The following OSBPL9 variants were observed in gnomAD, a reference collection of about 807,000 sequenced individuals.
The protein encoded by OSBPL9 is oxysterol-binding protein-related protein 9.
Under a neutral mutation model 106.6 loss-of-function variants are expected in OSBPL9, and 40 were observed. The observed-to-expected ratio is 0.38, with a 90% CI of 0.29 to 0.49. The LOEUF is 0.49. Among genes scored for constraint, OSBPL9 ranks in the 20% least tolerant of loss-of-function variants. The probability of loss-of-function intolerance (pLI) is 0.97; values close to 1 mark genes in which losing one functional copy is unlikely to be tolerated. For synonymous variants in OSBPL9, 269 were observed against 295.4 expected, an observed-to-expected ratio of 0.91 and a Z score of 0.92; for missense variants, 609 against 887.2, an observed-to-expected ratio of 0.69 and a Z score of 3.98.
At chr1:51,584,086 A>G (rs1645235254) in intron 1 of OSBPL9, among the ~76,000 whole-genome samples, 1 of 151,946 alleles carries the variant, frequency 6.6e-6, no homozygotes, top group Non-Finnish European at 1.5e-5. Context: ...GAACTCCTAG[A>G]CTTCAGTGAT....
In OSBPL9 at chr1:51,777,005, C is replaced by T. The variant is rs1305047855; in HGVS notation, c.1256+87C>T. ...TTTATTTTGCAGGATAGATGGATTC[C>T]TTGTCACCTTTCAAACATTTCTGGG... On this transcript the variant is annotated intron_variant, in intron 15 of 23. Coordinates refer to ENST00000428468, the MANE Select transcript of OSBPL9 (RefSeq NM_024586.6). The T allele has an allele frequency of 8.0e-6, 8 of 997,172 alleles. No homozygotes were observed. The African/African-American group carries it at 1.1e-4, about 14-fold the overall frequency. 61.8% of individuals were successfully genotyped at this position (997,172 alleles called of 1,614,324 possible).
intron 2 of OSBPL9, among the ~76,000 whole-genome samples, chr1:51,605,604 T>C (rs775121886): frequency 6.6e-6 from 1 of 152,206 alleles, no homozygotes; most frequent in Non-Finnish European, 1.5e-5. Flanking sequence ...AGGGAACTGG[T>C]ATCATATTTG....
Position 51,787,726 on chromosome 1 carries a change from A to G in OSBPL9, c.2148A>G (p.Glu716=), listed in dbSNP as rs1272732800. Residue 716 remains glutamate, a synonymous_variant, in exon 24 of 24, where the codon GAA becomes GAG. Transcript: ENST00000428468. ...EIQWETRLFH[E]DGECWVYDEP... Reference sequence around the variant, plus strand: ...TCTTTGTCTTACAGTTATTTCATGAAGATGGAGAATGCTGGGTTTATGATG... The same window carrying G: ...TCTTTGTCTTACAGTTATTTCATGAGGATGGAGAATGCTGGGTTTATGATG... 4.3e-6 allele frequency: 7 copies of G among 1,613,302 alleles called. No homozygotes were observed. In the African/African-American group the frequency reaches 8.0e-5, roughly 18 times the overall value.
chr1:51,541,651 G>A, the OSBPL9 span, among the ~76,000 whole-genome samples: 1 of 152,176 alleles, frequency 6.6e-6, no homozygotes, highest in African/African-American at 2.4e-5. Context: ...GGGTGGGGAT[G>A]GTCAGCATAG....
At chr1:51,523,943 A>T in the OSBPL9 span, among the ~76,000 whole-genome samples, 1 of 152,196 alleles carries the variant, frequency 6.6e-6, no homozygotes, top group African/African-American at 2.4e-5. Context: ...TGGAAAAAAA[A>T]ACTGAGGAAC....
At chr1:51,590,303 C>T (rs1645267932) in intron 1 of OSBPL9, among the ~76,000 whole-genome samples, 1 of 151,404 alleles carries the variant, frequency 6.6e-6, no homozygotes, top group African/African-American at 2.4e-5. Flanking sequence ...TGGGCTAGGT[C>T]GGTAGCAATA....
chr1:51,594,368 C>T (rs1321222596), intron 1 of OSBPL9, among the ~76,000 whole-genome samples: 1 of 151,960 alleles, frequency 6.6e-6, no homozygotes, highest in East Asian at 1.9e-4. Context: ...TGCCATTGCA[C>T]TCCAGCCTAG....
chr1:51,663,456 T>C (rs1647618470), intron 2 of OSBPL9, among the ~76,000 whole-genome samples: 1 of 152,196 alleles, frequency 6.6e-6, no homozygotes. Context: ...TGGGGATGGC[T>C]GGCTATGACT....
chr1:51,610,042 C>T (rs771753988), intron 2 of OSBPL9, among the ~76,000 whole-genome samples: 3 of 152,046 alleles, frequency 2.0e-5, no homozygotes, highest in Admixed American at 6.6e-5. Flanking sequence ...TCACCACTCC[C>T]GGCCCCACAC....
chr1:51,587,420 C>A (rs1645252462), intron 1 of OSBPL9, among the ~76,000 whole-genome samples: 1 of 152,188 alleles, frequency 6.6e-6, no homozygotes, highest in Admixed American at 6.5e-5. Context: ...TTTCCACCCA[C>A]CTCCATGACC....
At chr1:51,697,312 A>G (rs191840266) in intron 3 of OSBPL9, among the ~76,000 whole-genome samples, 2 of 152,228 alleles carry the variant, frequency 1.3e-5, no homozygotes, top group East Asian at 3.9e-4. Flanking sequence ...TATACCAAAC[A>G]TAGTACCCCG....
chr1:51,788,171 C>CAT lies in OSBPL9; in HGVS notation c.*390_*391dup, dbSNP rs993169298. 1.3e-4 allele frequency: 27 copies of CAT among 202,734 alleles called. No homozygotes were observed. Among genetic ancestry groups the CAT allele is most frequent in the East Asian group, 2.6e-4 (2 of 7,776 alleles). 12.6% of individuals were successfully genotyped at this position (202,734 alleles called of 1,614,324 possible). On this transcript the variant is annotated 3_prime_UTR_variant, in exon 24 of 24. Coordinates refer to ENST00000428468, the MANE Select transcript of OSBPL9 (RefSeq NM_024586.6). ...ATCTCGGGATACACACACACACACA[C>CAT]ATATATATACACACACATACGTATA...
intron 2 of OSBPL9, among the ~76,000 whole-genome samples, chr1:51,603,024 C>T (rs1210999436): frequency 6.6e-6 from 1 of 152,054 alleles, no homozygotes; most frequent in Admixed American, 6.6e-5. Context: ...GGCATGATGG[C>T]GTGCACCTGT....
In OSBPL9 at chr1:51,674,701, A is replaced by G. The variant is rs1650750969; in HGVS notation, c.241+5189A>G. Among the ~76,000 whole-genome samples the G allele has an allele frequency of 2.0e-5, 3 of 152,222 alleles. No individual in the cohort carries two copies. In the South Asian group the frequency reaches 6.2e-4, roughly 32 times the overall value. Reference sequence around the variant, plus strand: ...ACCACATATATGATGGTGGTTCTATAAGATTATAATACCATATTTTTACTG... The same window carrying G: ...ACCACATATATGATGGTGGTTCTATGAGATTATAATACCATATTTTTACTG... On this transcript the variant is annotated intron_variant, in intron 3 of 23. Coordinates refer to ENST00000428468, the MANE Select transcript of OSBPL9 (RefSeq NM_024586.6).
chr1:51,537,869 A>G, the OSBPL9 span, among the ~76,000 whole-genome samples: 42,871 of 152,014 alleles, frequency 0.28, 7,185 homozygotes, highest in African/African-American at 0.47. Flanking sequence ...TTAATAATTC[A>G]TTACTGATAC....
chr1:51,694,804 G>A (rs947337495), intron 3 of OSBPL9, among the ~76,000 whole-genome samples: 2 of 152,180 alleles, frequency 1.3e-5, no homozygotes, highest in Admixed American at 1.3e-4. Context: ...AATCTGTCAA[G>A]GTCGTGGTGG....
In OSBPL9 at chr1:51,745,648, T is replaced by C; in HGVS notation, c.414+17T>C. On this transcript the variant is annotated intron_variant, in intron 5 of 23. Coordinates refer to ENST00000428468, the MANE Select transcript of OSBPL9 (RefSeq NM_024586.6). ...CAATTAAAGGTATGGCATTAGTTTG[T>C]ATATTAAATTTATATAAATAGAAAA... is the stretch of plus-strand genomic sequence containing the variant. 1.3e-6 allele frequency: 2 copies of C among 1,497,280 alleles called. No homozygotes were observed. The highest frequency in any genetic ancestry group is 1.4e-5 in the South Asian group (1 of 72,522). The allele number at this position is 1,497,280 out of a possible 1,614,324, so 92.7% of individuals were successfully genotyped here. A position where few individuals can be genotyped will look rare whatever the true frequency, so the allele number is the denominator to read the frequency against.
chr1:51,743,927 A>C (rs1266186829), intron 4 of OSBPL9, among the ~76,000 whole-genome samples: 1 of 152,144 alleles, frequency 6.6e-6, no homozygotes, highest in African/African-American at 2.4e-5. Context: ...GTTTAAACAC[A>C]GTTTTATAAA....
At chr1:51,657,240 A>G (rs550956840) in intron 2 of OSBPL9, among the ~76,000 whole-genome samples, 1 of 152,352 alleles carries the variant, frequency 6.6e-6, no homozygotes, top group Admixed American at 6.5e-5. Flanking sequence ...AATGTGAGCC[A>G]GTGGTATGAT....
Sources: allele counts gnomAD v4.1 joint callset (sites outside exome capture counted in the v4.1 genomes callset), GRCh38; gene constraint gnomAD v4.1.1; transcripts MANE v1.5; gene names NCBI Gene and HGNC (gene_info 2026-07-23, HGNC 2026-07-21).